The following JMJD1C variants were observed in gnomAD, a reference collection of about 807,000 sequenced individuals.
JMJD1C encodes the protein jumonji domain containing 1C, also known as jumonji domain-containing protein 1C.
A neutral mutation model predicts 245.3 loss-of-function variants in JMJD1C; 31 were observed. That is an observed-to-expected ratio of 0.13 (90% confidence interval 0.09 to 0.17). JMJD1C has a LOEUF of 0.17. Ranked by LOEUF, JMJD1C falls within the 10% of genes least tolerant of loss-of-function variation. JMJD1C has a pLI of 1.00. For missense variants in JMJD1C, 2,691 were observed against 3,000.2 expected, an observed-to-expected ratio of 0.90 and a Z score of 2.41; for synonymous variants, 1,057 against 1,017.4, an observed-to-expected ratio of 1.04 and a Z score of -0.74.
intron 1 of JMJD1C, among the ~76,000 whole-genome samples, chr10:63,510,007 CTT>C (rs35352946): frequency 8.4e-4 from 120 of 142,722 alleles, no homozygotes; most frequent in Non-Finnish European, 8.0e-4. Context: ...GATTTTAGAT[CTT>C]TTTTTTTTTT....
intron 1 of JMJD1C, among the ~76,000 whole-genome samples, chr10:63,394,395 G>A (rs1948316575): frequency 6.6e-6 from 1 of 152,134 alleles, no homozygotes; most frequent in East Asian, 1.9e-4. Context: ...CAGGGAGAAA[G>A]TAAATAAATT....
intron 24 of JMJD1C, 80 bp downstream of exon 24, chr10:63,176,217 T>G: frequency 1.0e-6 from 1 of 961,714 alleles, no homozygotes; most frequent in East Asian, 2.7e-5. Context: ...TCCATTTATA[T>G]CTATACTAAG....
At chr10:63,359,820 T>A (rs1418775845) in intron 2 of JMJD1C, among the ~76,000 whole-genome samples, 5 of 152,212 alleles carry the variant, frequency 3.3e-5, no homozygotes, top group Admixed American at 6.5e-5. Flanking sequence ...AACTCTTTTT[T>A]AAGGATGGCT....
At chr10:63,311,064 G>C (rs190708847) in intron 2 of JMJD1C, among the ~76,000 whole-genome samples, 1 of 151,970 alleles carries the variant, frequency 6.6e-6, no homozygotes, top group South Asian at 2.1e-4. Flanking sequence ...CTAGTAAATG[G>C]GTATGATCTA....
At chr10:63,234,666 T>C (rs1366972221) in intron 3 of JMJD1C, among the ~76,000 whole-genome samples, 2 of 150,946 alleles carry the variant, frequency 1.3e-5, no homozygotes, top group Non-Finnish European at 2.9e-5. Context: ...GGCATGGTGG[T>C]TCACGCTTGT....
At chr10:63,230,185 C>T (rs1564647707) in intron 3 of JMJD1C, among the ~76,000 whole-genome samples, 1 of 152,122 alleles carries the variant, frequency 6.6e-6, no homozygotes, top group Non-Finnish European at 1.5e-5. Context: ...CCAGCCTGGC[C>T]AACATGGTGA....
intron 2 of JMJD1C, among the ~76,000 whole-genome samples, chr10:63,276,883 G>GTTT (rs1210696219): frequency 1.8e-3 from 72 of 41,104 alleles, no homozygotes; most frequent in African/African-American, 0.011. Flanking sequence ...GAAGCTTGGG[G>GTTT]CTTTTTTTTT....
chr10:63,223,215 G>C (rs1166911896), intron 3 of JMJD1C, among the ~76,000 whole-genome samples: 3 of 135,488 alleles, frequency 2.2e-5, no homozygotes, highest in Non-Finnish European at 4.6e-5. Context: ...ATTATAAACT[G>C]TTTTTTCTGT....
rs912636935 is a variant in JMJD1C, at chr10:63,507,720, T to C, written n.113+14018A>G. Reference sequence around the variant, plus strand: ...CAATGGATGAGTTCCTATTGTTTCATATGCTAGTCAGCATTTTGTGTCATC... The same window carrying C: ...CAATGGATGAGTTCCTATTGTTTCACATGCTAGTCAGCATTTTGTGTCATC... On this transcript the variant is annotated intron_variant and non_coding_transcript_variant, in intron 1 of 3. Transcript: ENST00000633035. Among the ~76,000 whole-genome samples the C allele has an allele frequency of 1.3e-4, 20 of 151,448 alleles. No homozygotes were observed. The South Asian group carries it at 4.2e-3, about 32-fold the overall frequency.
chr10:63,398,329 A>C (rs1948633873), intron 1 of JMJD1C, among the ~76,000 whole-genome samples: 1 of 152,164 alleles, frequency 6.6e-6, no homozygotes, highest in Non-Finnish European at 1.5e-5. Flanking sequence ...TGGTTAAAGA[A>C]ATAAAGTCAT....
At chr10:63,392,310 C>A (rs902641220) in intron 1 of JMJD1C, among the ~76,000 whole-genome samples, 2 of 151,982 alleles carry the variant, frequency 1.3e-5, no homozygotes, top group Non-Finnish European at 2.9e-5. Context: ...CAGATTTATG[C>A]AAAGATTTTA....
At chr10:63,185,976 TG>T (rs1320258156) in intron 19 of JMJD1C, among the ~76,000 whole-genome samples, 2 of 152,246 alleles carry the variant, frequency 1.3e-5, no homozygotes, top group Non-Finnish European at 2.9e-5. Context: ...CAAAAGCTTA[TG>T]GAACTGCCAA....
At chr10:63,383,240 C>A (rs1157312736) in intron 1 of JMJD1C, among the ~76,000 whole-genome samples, 1 of 149,752 alleles carries the variant, frequency 6.7e-6, no homozygotes, top group Admixed American at 6.7e-5. Flanking sequence ...AAAAGCTTAT[C>A]TATTAGAATA....
intron 2 of JMJD1C, among the ~76,000 whole-genome samples, chr10:63,281,458 C>CTCTT (rs1857382735): frequency 1.5e-5 from 1 of 65,350 alleles, no homozygotes; most frequent in Non-Finnish European, 2.6e-5. Flanking sequence ...TGCGCCTGGC[C>CTCTT]TTTTTTTTTT....
chr10:63,242,117 G>A (rs1851555416), intron 3 of JMJD1C, among the ~76,000 whole-genome samples: 1 of 152,074 alleles, frequency 6.6e-6, no homozygotes, highest in Non-Finnish European at 1.5e-5. Context: ...AAGTTCACAG[G>A]GGCATGCGAA....
At chr10:63,500,508 T>C (rs967842927) in intron 1 of JMJD1C, among the ~76,000 whole-genome samples, 1 of 148,474 alleles carries the variant, frequency 6.7e-6, no homozygotes, top group Non-Finnish European at 1.5e-5. Flanking sequence ...CCAAGGTGGG[T>C]GGATCACTTG....
intron 1 of JMJD1C, among the ~76,000 whole-genome samples, chr10:63,426,602 C>T (rs763909934): frequency 5.3e-5 from 8 of 151,938 alleles, no homozygotes; most frequent in South Asian, 4.2e-4. Context: ...ACCCAGGAGG[C>T]GGAAGTTGCA....
chr10:63,325,792 T>C (rs551834427), intron 2 of JMJD1C, among the ~76,000 whole-genome samples: 13 of 152,338 alleles, frequency 8.5e-5, no homozygotes, highest in African/African-American at 3.1e-4. Context: ...AACATAATCC[T>C]TCTTAGAATA....
At chr10:63,293,125 T>C (rs1405484325) in intron 2 of JMJD1C, among the ~76,000 whole-genome samples, 1 of 152,206 alleles carries the variant, frequency 6.6e-6, no homozygotes, top group Non-Finnish European at 1.5e-5. Context: ...TTACACATTC[T>C]AATCCCCATT....
Sources: gnomAD v4.1 joint callset for allele counts (sites outside exome capture counted in the v4.1 genomes callset) on GRCh38, gnomAD v4.1.1 for gene constraint, MANE v1.5 for transcripts, NCBI Gene and HGNC (gene_info 2026-07-23, HGNC 2026-07-21) for gene names.